INTS6: variants seen among roughly 807,000 people sequenced by gnomAD.
INTS6 encodes the protein integrator complex subunit 6, also known as DEAD box protein.
In INTS6, 16 loss-of-function variants were observed where a neutral mutation model predicts 104.9. The ratio of observed to expected loss-of-function variants is 0.15; its 90% CI spans 0.10 to 0.23. INTS6 has a LOEUF of 0.23. INTS6 is among the 10% of genes least tolerant of loss of function. The pLI is 1.00. For missense variants in INTS6, 584 were observed against 1,062.8 expected (o/e 0.55, Z 6.26); for synonymous variants, 324 against 358.7 (o/e 0.90, Z 1.09).
chr13:51,347,775 C>G, the INTS6 span, among the ~76,000 whole-genome samples: 1 of 152,154 alleles, frequency 6.6e-6, no homozygotes, highest in South Asian at 2.1e-4. Flanking sequence ...GTCCAGCATC[C>G]CCAGGCTGTC....
At chr13:51,370,924 A>G (rs1333615727) in intron 15 of INTS6, among the ~76,000 whole-genome samples, 1 of 152,130 alleles carries the variant, frequency 6.6e-6, no homozygotes, top group African/African-American at 2.4e-5. Flanking sequence ...TCCCAACCGC[A>G]TGCAGGTGTT....
At chr13:51,430,963 G>A (rs1001932531) in intron 3 of INTS6, among the ~76,000 whole-genome samples, 1 of 152,104 alleles carries the variant, frequency 6.6e-6, no homozygotes, top group Non-Finnish European at 1.5e-5. Context: ...AATTAAAAAT[G>A]GTTACCTAAA....
At chr13:51,440,518 C>T (rs1340324120) in intron 3 of INTS6, 1 of 152,184 alleles carries the variant, frequency 6.6e-6, no homozygotes, top group Non-Finnish European at 1.5e-5. Flanking sequence ...CTTCACTTCA[C>T]TCATCACGAA....
Position 51,364,166 on chromosome 13 carries a change from T to A in INTS6, c.*1586A>T. ...CTTGCATTACTTAAAAGTATTTGTA[T>A]AGAAGTAAACAAAGCTTAAAGAACT... On this transcript the variant is annotated 3_prime_UTR_variant, in exon 18 of 18. Coordinates refer to ENST00000311234, the MANE Select transcript of INTS6 (RefSeq NM_012141.3). 1.4e-6 allele frequency: 1 copy of A among 695,960 alleles called. No homozygotes were observed. Among genetic ancestry groups the A allele is most frequent in the Non-Finnish European group, 2.3e-6 (1 of 433,086 alleles). 43.1% of individuals were successfully genotyped at this position (695,960 alleles called of 1,614,324 possible).
chr13:51,391,338 C>T (rs184286926), intron 5 of INTS6, among the ~76,000 whole-genome samples: 59 of 152,090 alleles, frequency 3.9e-4, no homozygotes, highest in African/African-American at 1.4e-3. Flanking sequence ...ATTAAGAAAA[C>T]ATAAGCAAAT....
In INTS6 at chr13:51,378,471, T is replaced by C. The variant is rs1383002754; in HGVS notation, c.1387-17A>G. 4 of 1,527,390 alleles carry C rather than the reference T, an allele frequency of 2.6e-6. No homozygotes were observed. The highest frequency in any genetic ancestry group is 2.7e-6 in the Non-Finnish European group (3 of 1,103,714). The allele number at this position is 1,527,390 out of a possible 1,614,324, so 94.6% of individuals were successfully genotyped here. On this transcript the variant is annotated splice_polypyrimidine_tract_variant and intron_variant, in intron 11 of 17. Coordinates refer to ENST00000311234, the MANE Select transcript of INTS6 (RefSeq NM_012141.3). ...TATTTTGGCCTAAAGTAAAAATAAG[T>C]CAGAATTATCTTGATAAAATCTAAA...
At chr13:51,423,819 T>C (rs1439317115) in intron 4 of INTS6, among the ~76,000 whole-genome samples, 2 of 152,074 alleles carry the variant, frequency 1.3e-5, no homozygotes, top group Non-Finnish European at 2.9e-5. Context: ...GTTAAAGTTG[T>C]TCATTTTCAC....
chr13:51,379,407 T>A, intron 11 of INTS6, 55 bp downstream of exon 11: 1 of 1,004,150 alleles, frequency 1.0e-6, no homozygotes, highest in Non-Finnish European at 1.5e-6. Context: ...TGTTTAACCA[T>A]CCTAGCCAAA....
chr13:51,341,127 C>T, the INTS6 span: 1 of 1,614,054 alleles, frequency 6.2e-7, no homozygotes, highest in Non-Finnish European at 8.5e-7. Flanking sequence ...TCCTCTTTCA[C>T]TCTTGCTGCC....
intron 4 of INTS6, among the ~76,000 whole-genome samples, chr13:51,415,174 T>G (rs1956765141): frequency 6.7e-6 from 1 of 149,644 alleles, no homozygotes; most frequent in African/African-American, 2.4e-5. Context: ...ACCGTTCACT[T>G]AAAAAAAAAA....
At chr13:51,450,338 C>G in intron 3 of INTS6, 3 of 985,396 alleles carry the variant, frequency 3.0e-6, no homozygotes, top group Non-Finnish European at 3.6e-6. Context: ...CTCTCATCCT[C>G]AAATACATGA....
chr13:51,400,514 A>C (rs539087333), intron 4 of INTS6, among the ~76,000 whole-genome samples: 1 of 151,944 alleles, frequency 6.6e-6, no homozygotes, highest in Admixed American at 6.6e-5. Context: ...GCAAAGATAC[A>C]TTTTTTTTCC....
At chr13:51,399,936 G>A (rs1214942591) in intron 4 of INTS6, among the ~76,000 whole-genome samples, 2 of 152,064 alleles carry the variant, frequency 1.3e-5, no homozygotes, top group Non-Finnish European at 2.9e-5. Flanking sequence ...TTTATTGCAG[G>A]GATCCCCAAG....
At chr13:51,440,647 A>C (rs539553453) in intron 3 of INTS6, 6 of 152,184 alleles carry the variant, frequency 3.9e-5, no homozygotes, top group African/African-American at 1.4e-4. Context: ...GTCAATGTTT[A>C]TATCTGTTTA....
At chr13:51,335,686 G>A in the INTS6 span, 7 of 152,164 alleles carry the variant, frequency 4.6e-5, no homozygotes, top group East Asian at 1.9e-4. Flanking sequence ...AGTTAAAGGC[G>A]ACCTGGATGT....
chr13:51,361,802 T>C lies in INTS6; in HGVS notation c.*3950A>G. 6.3e-7 allele frequency: 1 copy of C among 1,578,702 alleles called. No homozygotes were observed. Among genetic ancestry groups the C allele is most frequent in the Non-Finnish European group, 8.6e-7 (1 of 1,168,410 alleles). On this transcript the variant is annotated 3_prime_UTR_variant, in exon 18 of 18. Transcript: ENST00000311234. ...AAATGCAATGGAATTTTTCTTTCTT[T>C]CCTGCAGCTCTGTTGTTATTGAAAA...
In INTS6 at chr13:51,418,862, G is replaced by A. The variant is rs867858302; in HGVS notation, c.429+11432C>T. On this transcript the variant is annotated intron_variant, in intron 4 of 17. Coordinates refer to ENST00000311234, the MANE Select transcript of INTS6 (RefSeq NM_012141.3). ...AATTCATCCATTTTATGTGTTCAAC[G>A]AGTTTTAGTAAATTTACAGAGTTGT... 4.7e-4 allele frequency among the ~76,000 whole-genome samples: 72 copies of A among 152,124 alleles called. 1 individual carries two copies. The Middle Eastern group carries it at 0.01, about 22-fold the overall frequency.
intron 4 of INTS6, among the ~76,000 whole-genome samples, chr13:51,424,027 T>G (rs986290670): frequency 6.6e-6 from 1 of 152,068 alleles, no homozygotes; most frequent in South Asian, 2.1e-4. Context: ...CCAGGTGATT[T>G]TGATGCAGCC....
intron 3 of INTS6, chr13:51,449,836 A>G (rs1223859219): frequency 1.3e-5 from 13 of 985,252 alleles, no homozygotes; most frequent in Non-Finnish European, 1.6e-5. Context: ...GAAAAACATA[A>G]AAGTATTAAT....
Sources: allele counts gnomAD v4.1 joint callset (sites outside exome capture counted in the v4.1 genomes callset), GRCh38; gene constraint gnomAD v4.1.1; transcripts MANE v1.5; gene names NCBI Gene and HGNC (gene_info 2026-07-23, HGNC 2026-07-21).